Variants in L3MBTL4 observed in about 807,000 individuals in gnomAD.
L3MBTL4 encodes lethal(3)malignant brain tumor-like protein 4.
In L3MBTL4, 70 loss-of-function variants were observed where a neutral mutation model predicts 84.5. That is an observed-to-expected ratio of 0.83 (90% CI 0.68 to 1.01). The LOEUF is 1.01. Ranked by LOEUF, L3MBTL4 falls within the 50% of genes least tolerant of loss-of-function variation. The pLI is 0.00. For synonymous variants in L3MBTL4, 274 were observed against 259.8 expected, an observed-to-expected ratio of 1.05 and a Z score of -0.52; for missense variants, 715 against 754.8, an observed-to-expected ratio of 0.95 and a Z score of 0.62.
At chr18:6,011,343 T>C (rs547313514) in intron 16 of L3MBTL4, among the ~76,000 whole-genome samples, 1 of 152,084 alleles carries the variant, frequency 6.6e-6, no homozygotes, top group South Asian at 2.1e-4. Flanking sequence ...GAGATAAAGG[T>C]AGATCCTCCC....
intron 14 of L3MBTL4, among the ~76,000 whole-genome samples, chr18:6,128,112 T>A (rs1017654949): frequency 6.7e-6 from 1 of 148,294 alleles, no homozygotes; most frequent in Non-Finnish European, 1.5e-5. Context: ...AGCTACACAA[T>A]CTATCCAGCA....
intron 1 of L3MBTL4, among the ~76,000 whole-genome samples, chr18:6,345,231 A>AAAAAAG (rs2052824855): frequency 9.4e-5 from 13 of 138,798 alleles, no homozygotes; most frequent in African/African-American, 3.2e-4. Context: ...AAAAAAAAAA[A>AAAAAAG]AAAAAGAAAA....
At chr18:6,095,349 T>TTTTTTG (rs2058599164) in intron 14 of L3MBTL4, among the ~76,000 whole-genome samples, 1 of 145,304 alleles carries the variant, frequency 6.9e-6, no homozygotes, top group African/African-American at 2.7e-5. Context: ...GAACATGGTT[T>TTTTTTG]TTTTTTTTTT....
chr18:6,410,433 G>A (rs1445478409), intron 1 of L3MBTL4, among the ~76,000 whole-genome samples: 2 of 152,018 alleles, frequency 1.3e-5, no homozygotes, highest in African/African-American at 2.4e-5. Flanking sequence ...GCGTCATGTC[G>A]GCATAGTCAC....
chr18:6,173,424 G>C (rs1200004509), intron 12 of L3MBTL4, among the ~76,000 whole-genome samples: 1 of 152,182 alleles, frequency 6.6e-6, no homozygotes, highest in Non-Finnish European at 1.5e-5. Flanking sequence ...TTGCAGATCA[G>C]AGTGCATGAT....
intron 16 of L3MBTL4, among the ~76,000 whole-genome samples, chr18:6,034,816 C>T (rs1205108530): frequency 1.4e-5 from 2 of 146,396 alleles, no homozygotes; most frequent in Admixed American, 1.4e-4. Context: ...CCTGTTGTTT[C>T]CTGACTTTTT....
chr18:6,013,735 G>A (rs1434895386), intron 16 of L3MBTL4, among the ~76,000 whole-genome samples: 1 of 152,190 alleles, frequency 6.6e-6, no homozygotes, highest in Non-Finnish European at 1.5e-5. Context: ...CTTTCCTACT[G>A]TACATATGAG....
In L3MBTL4 at chr18:6,368,949, G is replaced by A. The variant is rs560887354; in HGVS notation, c.-91+45852C>T. On this transcript the variant is annotated intron_variant, in intron 1 of 18. Transcript: ENST00000317931. Reference sequence around the variant, plus strand: ...CCCAGCTACTCAGGAAAATGAGGTGGGAGAATCAATTGAACTCGGAAGGTG... The same window carrying A: ...CCCAGCTACTCAGGAAAATGAGGTGAGAGAATCAATTGAACTCGGAAGGTG... Among the ~76,000 whole-genome samples the A allele has an allele frequency of 1.5e-4, 23 of 152,014 alleles. No homozygotes were observed. The South Asian group carries it at 4.0e-3, about 26-fold the overall frequency.
chr18:6,066,588 C>A (rs2057405488), intron 16 of L3MBTL4, among the ~76,000 whole-genome samples: 1 of 152,090 alleles, frequency 6.6e-6, no homozygotes. Context: ...TGGACTAATC[C>A]TCTTATCATT....
intron 4 of L3MBTL4, among the ~76,000 whole-genome samples, chr18:6,290,383 TAAACA>T (rs2049804011): frequency 6.6e-6 from 1 of 151,856 alleles, no homozygotes; most frequent in Admixed American, 6.6e-5. Flanking sequence ...ACTTAAAAAC[TAAACA>T]AAACAAAAAC....
chr18:6,308,695 T>C (rs2146914894), intron 3 of L3MBTL4, among the ~76,000 whole-genome samples: 1 of 152,248 alleles, frequency 6.6e-6, no homozygotes, highest in Admixed American at 6.5e-5. Flanking sequence ...TGTGCGCCCA[T>C]TTGGGATGTG....
chr18:6,246,690 G>T (rs993270658), intron 5 of L3MBTL4, among the ~76,000 whole-genome samples: 6 of 152,152 alleles, frequency 3.9e-5, no homozygotes, highest in Admixed American at 1.3e-4. Flanking sequence ...GATCGTCTGA[G>T]GTCAGGAGTT....
At chr18:6,263,896 A>C in intron 5 of L3MBTL4, 51 bp downstream of exon 5, 1 of 1,203,270 alleles carries the variant, frequency 8.3e-7, no homozygotes, top group Non-Finnish European at 1.2e-6. Flanking sequence ...TTTAAACTAA[A>C]CCTCTTAAGT....
At chr18:6,196,363 T>A (rs1363923299) in intron 12 of L3MBTL4, among the ~76,000 whole-genome samples, 5 of 152,122 alleles carry the variant, frequency 3.3e-5, no homozygotes, top group African/African-American at 7.2e-5. Context: ...TTCACCGTGT[T>A]GGCCAGGATG....
At chr18:6,412,830 T>A (rs540401237) in intron 1 of L3MBTL4, among the ~76,000 whole-genome samples, 31 of 152,122 alleles carry the variant, frequency 2.0e-4, no homozygotes, top group Non-Finnish European at 4.3e-4. Flanking sequence ...GTTATACAGA[T>A]GTTACAGAGC....
chr18:6,099,271 T>C (rs2058735193), intron 14 of L3MBTL4, among the ~76,000 whole-genome samples: 1 of 151,944 alleles, frequency 6.6e-6, no homozygotes, highest in African/African-American at 2.4e-5. Flanking sequence ...GTTAAGTGAA[T>C]ATCTTTTATT....
chr18:6,317,141 G>T (rs1428771020), intron 1 of L3MBTL4, among the ~76,000 whole-genome samples: 1 of 152,088 alleles, frequency 6.6e-6, no homozygotes, highest in African/African-American at 2.4e-5. Context: ...AGAGGCGTCT[G>T]GGAAAGCCAC....
intron 16 of L3MBTL4, among the ~76,000 whole-genome samples, chr18:6,000,945 C>T (rs2054184132): frequency 6.6e-6 from 1 of 152,222 alleles, no homozygotes; most frequent in Non-Finnish European, 1.5e-5. Context: ...TATTTTGGAT[C>T]TCTGGAGTCT....
At chr18:6,230,473 A>C (rs562032086) in intron 10 of L3MBTL4, among the ~76,000 whole-genome samples, 5 of 152,292 alleles carry the variant, frequency 3.3e-5, no homozygotes, top group African/African-American at 1.2e-4. Flanking sequence ...TTATTTATCC[A>C]ATCTACCATT....
Sources: gnomAD v4.1 joint callset for allele counts (sites outside exome capture counted in the v4.1 genomes callset) on GRCh38, gnomAD v4.1.1 for gene constraint, MANE v1.5 for transcripts, NCBI Gene and HGNC (gene_info 2026-07-23, HGNC 2026-07-21) for gene names.